The following MYPN variants were observed in gnomAD, a reference collection of about 807,000 sequenced individuals.
MYPN encodes the protein sarcomeric protein myopalladin, 145 kDa (MYOP).
A neutral mutation model predicts 129.4 loss-of-function variants in MYPN; 63 were observed. The ratio of observed to expected loss-of-function variants is 0.49; its 90% CI spans 0.40 to 0.60. The LOEUF (loss-of-function observed/expected upper bound fraction) is 0.60, where lower values mean the gene tolerates loss of function less well. Ranked by LOEUF, MYPN falls within the 20% of genes least tolerant of loss-of-function variation. The pLI, the probability that MYPN is intolerant of heterozygous loss-of-function variation, is 0.00. For missense variants in MYPN, 1,596 were observed against 1,635.4 expected, an observed-to-expected ratio of 0.98 and a Z score of 0.42; for synonymous variants, 629 against 600.9, an observed-to-expected ratio of 1.05 and a Z score of -0.68.
chr10:68,160,429 C>CAAAAAAAAA (rs56201900), intron 7 of MYPN, among the ~76,000 whole-genome samples: 2 of 62,074 alleles, frequency 3.2e-5, no homozygotes, highest in African/African-American at 7.7e-5. Flanking sequence ...GACCTTATCT[C>CAAAAAAAAA]AAAAAAAAAA....
At chr10:68,090,428 G>C (rs35708245) in intron 1 of MYPN, among the ~76,000 whole-genome samples, 16,390 of 152,156 alleles carry the variant, frequency 0.11, 953 homozygotes, top group South Asian at 0.15. Flanking sequence ...GCCTCCCAAA[G>C]TGCTAGGATT....
intron 12 of MYPN, among the ~76,000 whole-genome samples, chr10:68,184,161 C>T (rs951655034): frequency 1.3e-5 from 2 of 152,092 alleles, no homozygotes; most frequent in African/African-American, 4.8e-5. Flanking sequence ...TCTTTTGTTC[C>T]TGGTAATTTG....
intron 7 of MYPN, among the ~76,000 whole-genome samples, chr10:68,159,032 C>G (rs2042930598): frequency 6.6e-6 from 1 of 152,086 alleles, no homozygotes; most frequent in Admixed American, 6.6e-5. Flanking sequence ...TCCCCAGTAG[C>G]TGTGAATATC....
In MYPN at chr10:68,161,718, T is replaced by C; in HGVS notation, c.1460-11T>C. 5.0e-6 allele frequency: 8 copies of C among 1,609,874 alleles called. No individual in the cohort carries two copies. Among genetic ancestry groups the C allele is most frequent in the Non-Finnish European group, 6.8e-6 (8 of 1,176,926 alleles). ...TAAATGCTCAGAATCTTTTACTTTC[T>C]TTTCTTTTAGAACCTCGATCCATGG... is the stretch of plus-strand genomic sequence containing the variant. On this transcript the variant is annotated splice_polypyrimidine_tract_variant and intron_variant, in intron 7 of 19. Transcript: ENST00000358913.
At position 68,160,342 on chromosome 10, in the gene MYPN, A is replaced by G. The variant is rs112066804; in HGVS notation, c.1460-1387A>G. On this transcript the variant is annotated intron_variant, in intron 7 of 19. Transcript: ENST00000358913. ...GCTACTCTGAAGGTTGAGGCAGGAG[A>G]ATCACTTGAACCCAGGAGGCTGAGT... 6.4e-3 allele frequency among the ~76,000 whole-genome samples: 963 copies of G among 151,362 alleles called. 7 individuals are homozygous for G. The highest frequency in any genetic ancestry group is 0.022 in the African/African-American group (909 of 41,210).
chr10:68,179,376 C>A (rs1396412833), intron 12 of MYPN, among the ~76,000 whole-genome samples: 1 of 152,194 alleles, frequency 6.6e-6, no homozygotes, highest in East Asian at 1.9e-4. Flanking sequence ...CAGTCAGGAG[C>A]AACCTGGGGG....
At position 68,197,391 on chromosome 10, in the gene MYPN, A is replaced by C. The variant is rs748579658; in HGVS notation, c.3198A>C (p.Leu1066=). Residue 1066 remains leucine (L), a synonymous_variant, in exon 16 of 20, where the codon CTA becomes CTC. Coordinates refer to ENST00000358913, the MANE Select transcript of MYPN (RefSeq NM_032578.4). ...TGCAAGAAAGAGACAAAGAGCCCCT[A>C]CAGGAACGCTTTTTCCGACCACATT... is the stretch of plus-strand genomic sequence containing the variant. ...SRVQERDKEP[L]QERFFRPHFL... The C allele has an allele frequency of 6.2e-7, 1 of 1,613,998 alleles. No individual in the cohort carries two copies. Among genetic ancestry groups the C allele is most frequent in the South Asian group, 1.1e-5 (1 of 91,072 alleles).
intron 12 of MYPN, among the ~76,000 whole-genome samples, chr10:68,186,345 A>G (rs1299453908): frequency 6.6e-6 from 1 of 152,160 alleles, no homozygotes; most frequent in African/African-American, 2.4e-5. Context: ...CCAAATTCAG[A>G]TGATTATATT....
At chr10:68,165,058 T>G (rs918489229) in intron 8 of MYPN, among the ~76,000 whole-genome samples, 2 of 152,268 alleles carry the variant, frequency 1.3e-5, no homozygotes, top group Admixed American at 1.3e-4. Flanking sequence ...CCTAATTTGT[T>G]TTTGTGATTT....
chr10:68,153,955 CAG>C (rs940077013), intron 6 of MYPN, among the ~76,000 whole-genome samples: 3 of 151,422 alleles, frequency 2.0e-5, no homozygotes, highest in African/African-American at 7.3e-5. Flanking sequence ...GCTTAGCGAG[CAG>C]AGTTTTATTT....
chr10:68,187,125 A>G (rs1273154131), intron 12 of MYPN, among the ~76,000 whole-genome samples: 5 of 152,066 alleles, frequency 3.3e-5, no homozygotes, highest in African/African-American at 1.2e-4. Flanking sequence ...TAATCCCAGC[A>G]CTATGGGAGA....
intron 13 of MYPN, among the ~76,000 whole-genome samples, chr10:68,189,894 T>C (rs1476423763): frequency 6.6e-6 from 1 of 152,176 alleles, no homozygotes; most frequent in African/African-American, 2.4e-5. Flanking sequence ...AGCAGTGGGA[T>C]TGCTGGATCA....
Position 68,096,081 on chromosome 10 carries a change from C to A in MYPN, c.-2+8089C>A, listed in dbSNP as rs58350247. Among the ~76,000 whole-genome samples, 70 of 151,822 alleles carry A rather than the reference C, an allele frequency of 4.6e-4. 1 individual carries two copies. Among genetic ancestry groups the A allele is most frequent in the Non-Finnish European group, 3.8e-4 (26 of 67,984 alleles). On this transcript the variant is annotated intron_variant, in intron 1 of 6. Transcript: ENST00000685154. ...TTAGGTATGAATTTGATTCAGAGAT[C>A]GATAAAAGATAATATACACAAATCA...
At position 68,116,209 on chromosome 10, in the gene MYPN, AT is replaced by A. The variant is rs550694943; in HGVS notation, c.-1-5221del. ...TAGGGTACCTATAAGAGCACTTATG[AT>A]TTTTTTTAAGTACAAATTTTATAAT... On this transcript the variant is annotated intron_variant, in intron 1 of 19. Coordinates refer to ENST00000358913, the MANE Select transcript of MYPN (RefSeq NM_032578.4). Among the ~76,000 whole-genome samples, 312 of 152,146 alleles carry A rather than the reference AT, an allele frequency of 2.1e-3. 1 individual carries two copies. Among genetic ancestry groups the A allele is most frequent in the Non-Finnish European group, 2.0e-3 (135 of 67,990 alleles).
At chr10:68,175,034 G>T (rs1564681581) in intron 11 of MYPN, among the ~76,000 whole-genome samples, 1 of 152,130 alleles carries the variant, frequency 6.6e-6, no homozygotes, top group Non-Finnish European at 1.5e-5. Flanking sequence ...CTACTCAGGA[G>T]GCTGAGGCAG....
chr10:68,201,970 T>C lies in MYPN; in HGVS notation c.3635T>C (p.Ile1212Thr). ...VFYWKKDNET[I>T]PCTRERISMH... Reference sequence around the variant, plus strand: ...TACTGGAAGAAAGACAATGAGACCATCCCTTGCACCAGAGAGAGGATCAGG... The same window carrying C: ...TACTGGAAGAAAGACAATGAGACCACCCCTTGCACCAGAGAGAGGATCAGG... Residue 1212 changes from isoleucine (I) to threonine (T), a missense_variant, in exon 18 of 20, where the codon ATC (isoleucine) becomes ACC (threonine). Transcript: ENST00000358913. The C allele has an allele frequency of 6.2e-7, 1 of 1,613,842 alleles. No individual in the cohort carries two copies. The highest frequency in any genetic ancestry group is 8.5e-7 in the Non-Finnish European group (1 of 1,179,906).
At chr10:68,114,979 C>T (rs10997936) in intron 1 of MYPN, among the ~76,000 whole-genome samples, 35,747 of 151,950 alleles carry the variant, frequency 0.24, 4,366 homozygotes, top group East Asian at 0.44. Flanking sequence ...ATCACTGTGA[C>T]GGGGCATGGT....
Position 68,182,439 on chromosome 10 carries a change from A to C in MYPN, c.2704-6466A>C, listed in dbSNP as rs188183305. On this transcript the variant is annotated intron_variant, in intron 12 of 19. Transcript: ENST00000358913. ...TAACATATATATAACACATATATAT[A>C]ACATATATATAACATATATATATAA... Among the ~76,000 whole-genome samples, 337 of 134,134 alleles carry C rather than the reference A, an allele frequency of 2.5e-3. 24 individuals are homozygous for C. Among genetic ancestry groups the C allele is most frequent in the Non-Finnish European group, 3.8e-3 (245 of 63,978 alleles). 88.0% of individuals were successfully genotyped at this position (134,134 alleles called of 152,430 possible). A position where few individuals can be genotyped will look rare whatever the true frequency, so the allele number is the denominator to read the frequency against.
intron 3 of MYPN, among the ~76,000 whole-genome samples, chr10:68,144,666 A>T (rs894151121): frequency 6.6e-6 from 1 of 152,102 alleles, no homozygotes; most frequent in African/African-American, 2.4e-5. Flanking sequence ...TGTGACAAAA[A>T]GATTTTAAAC....
Sources: gnomAD v4.1 joint callset for allele counts (sites outside exome capture counted in the v4.1 genomes callset) on GRCh38, gnomAD v4.1.1 for gene constraint, MANE v1.5 for transcripts, NCBI Gene and HGNC (gene_info 2026-07-23, HGNC 2026-07-21) for gene names.